PRKG1: variants seen among roughly 807,000 people sequenced by gnomAD.
PRKG1 encodes protein kinase cGMP-dependent 1.
A neutral mutation model predicts 88.1 loss-of-function variants in PRKG1; 35 were observed. The ratio of observed to expected loss-of-function variants is 0.40; its 90% confidence interval spans 0.30 to 0.53. The LOEUF (loss-of-function observed/expected upper bound fraction) is 0.53. Ranked by LOEUF, PRKG1 falls within the 20% of genes least tolerant of loss-of-function variation. The pLI, the probability that PRKG1 is intolerant of heterozygous loss-of-function variation, is 0.59. For missense variants in PRKG1, 540 were observed against 839.8 expected (o/e 0.64, Z 4.41); for synonymous variants, 303 against 292.5 (o/e 1.04, Z -0.37).
chr10:51,205,127 CTTTTT>C (rs58176913), intron 2 of PRKG1, among the ~76,000 whole-genome samples: 1,457 of 64,070 alleles, frequency 0.023, 173 homozygotes, highest in African/African-American at 0.066. Flanking sequence ...ATTTTCTTTT[CTTTTT>C]TTTTTTTTTT....
intron 2 of PRKG1, among the ~76,000 whole-genome samples, chr10:51,259,944 T>A (rs1296261587): frequency 6.6e-6 from 1 of 152,198 alleles, no homozygotes; most frequent in Non-Finnish European, 1.5e-5. Context: ...TTATGACCCA[T>A]TTAGTTTATG....
At chr10:51,642,617 T>C (rs557630268) in intron 3 of PRKG1, among the ~76,000 whole-genome samples, 29 of 152,288 alleles carry the variant, frequency 1.9e-4, no homozygotes, top group African/African-American at 6.3e-4. Context: ...CTCAGAATAA[T>C]TCTAAGACTT....
chr10:51,133,933 T>C (rs1845631367), intron 1 of PRKG1, among the ~76,000 whole-genome samples: 1 of 152,196 alleles, frequency 6.6e-6, no homozygotes. Flanking sequence ...TCCTAATTAA[T>C]TTATTCCTGG....
chr10:51,802,746 A>G (rs1448331512), intron 3 of PRKG1, among the ~76,000 whole-genome samples: 3 of 152,144 alleles, frequency 2.0e-5, no homozygotes, highest in African/African-American at 7.2e-5. Context: ...CTAAGCACCA[A>G]GGAGAGAAAC....
At chr10:51,329,930 C>CT (rs201514807) in intron 2 of PRKG1, among the ~76,000 whole-genome samples, 26,179 of 131,932 alleles carry the variant, frequency 0.2, 2,560 homozygotes, top group African/African-American at 0.26. Context: ...TTAGGGAAAT[C>CT]TTTTTTTTTT....
At chr10:51,035,537 G>A (rs1843342049) in intron 1 of PRKG1, among the ~76,000 whole-genome samples, 1 of 152,134 alleles carries the variant, frequency 6.6e-6, no homozygotes. Context: ...GGTATTTCCT[G>A]CATGCCTGCA....
At chr10:51,986,790 G>A (rs907283601) in intron 5 of PRKG1, among the ~76,000 whole-genome samples, 5 of 152,178 alleles carry the variant, frequency 3.3e-5, no homozygotes, top group African/African-American at 1.2e-4. Flanking sequence ...CTTGCCTGTT[G>A]GAGGGGAGGA....
In PRKG1 at chr10:51,680,080, G is replaced by A. The variant is rs187284237; in HGVS notation, c.593-124505G>A. Among the ~76,000 whole-genome samples the A allele has an allele frequency of 2.2e-4, 34 of 152,204 alleles. No homozygotes were observed. The East Asian group carries it at 3.7e-3, about 16-fold the overall frequency. ...CTTGGAGTGGCCACAGGCCACACAC[G>A]GGCCACCACTTCATCTGCATATGGT... On this transcript the variant is annotated intron_variant, in intron 3 of 17. Transcript: ENST00000373980.
chr10:52,079,448 A>C (rs1846713327), intron 7 of PRKG1, among the ~76,000 whole-genome samples: 1 of 152,110 alleles, frequency 6.6e-6, no homozygotes, highest in Non-Finnish European at 1.5e-5. Flanking sequence ...GGTCAGACAG[A>C]TATGTCCATA....
At chr10:52,159,486 G>A (rs1257204102) in intron 8 of PRKG1, among the ~76,000 whole-genome samples, 1 of 151,492 alleles carries the variant, frequency 6.6e-6, no homozygotes, top group Non-Finnish European at 1.5e-5. Context: ...TTATTTTTAA[G>A]CTCATTGGGA....
At chr10:51,260,185 A>G (rs1287197607) in intron 2 of PRKG1, among the ~76,000 whole-genome samples, 1 of 152,134 alleles carries the variant, frequency 6.6e-6, no homozygotes, top group Non-Finnish European at 1.5e-5. Flanking sequence ...CCATACTTCA[A>G]TTAAAGCACC....
intron 2 of PRKG1, among the ~76,000 whole-genome samples, chr10:51,370,456 AAGAAAGAGAGAGAG>A (rs1163539666): frequency 1.3e-5 from 2 of 151,106 alleles, no homozygotes; most frequent in Non-Finnish European, 3.0e-5. Context: ...ATATGGGGTT[AAGAAAGAGAGAGAG>A]AGAAAGAGAC....
chr10:51,896,763 A>T (rs980185851), intron 4 of PRKG1, among the ~76,000 whole-genome samples: 1 of 151,520 alleles, frequency 6.6e-6, no homozygotes, highest in African/African-American at 2.4e-5. Context: ...ATTTCTTTTG[A>T]TTCTAAAACT....
chr10:51,431,599 C>G (rs1023582141), intron 2 of PRKG1, among the ~76,000 whole-genome samples: 49 of 152,092 alleles, frequency 3.2e-4, no homozygotes, highest in African/African-American at 1.2e-3. Flanking sequence ...CCTGCTGAGG[C>G]CTTTGCTGTT....
intron 2 of PRKG1, chr10:51,299,628 G>A: frequency 2.1e-6 from 1 of 466,202 alleles, no homozygotes; most frequent in Non-Finnish European, 4.4e-6. Flanking sequence ...AACAGAGAAG[G>A]CACTATGAGA....
chr10:51,653,464 T>C (rs1840088856), intron 3 of PRKG1, among the ~76,000 whole-genome samples: 1 of 152,232 alleles, frequency 6.6e-6, no homozygotes, highest in African/African-American at 2.4e-5. Context: ...TGATTAATGA[T>C]ATTTAGCAAT....
rs111630306 is a variant in PRKG1, at chr10:51,714,626, T to A, written c.593-89959T>A. Among the ~76,000 whole-genome samples the A allele has an allele frequency of 4.0e-3, 609 of 152,304 alleles. 4 individuals carry two copies. The highest frequency in any genetic ancestry group is 0.024 in the Middle Eastern group (7 of 294). On this transcript the variant is annotated intron_variant, in intron 3 of 17. Coordinates refer to ENST00000373980, the MANE Select transcript of PRKG1 (RefSeq NM_006258.4). Reference sequence around the variant, plus strand: ...GTCAAAATTTTTGTGTACTACAGTATGTACCAGCCATTCCAGAGAATGTCA... The same window carrying A: ...GTCAAAATTTTTGTGTACTACAGTAAGTACCAGCCATTCCAGAGAATGTCA...
intron 4 of PRKG1, among the ~76,000 whole-genome samples, chr10:51,894,950 G>A (rs1208067047): frequency 6.6e-6 from 1 of 152,162 alleles, no homozygotes; most frequent in African/African-American, 2.4e-5. Context: ...TTGCCTATCT[G>A]TTACACATGC....
intron 1 of PRKG1, among the ~76,000 whole-genome samples, chr10:51,066,794 T>G (rs895275193): frequency 2.0e-5 from 3 of 152,154 alleles, no homozygotes; most frequent in African/African-American, 7.2e-5. Flanking sequence ...CTTACATTTT[T>G]CTCAATCTCT....
Sources: allele counts gnomAD v4.1 joint callset (sites outside exome capture counted in the v4.1 genomes callset), GRCh38; gene constraint gnomAD v4.1.1; transcripts MANE v1.5; gene names NCBI Gene and HGNC (gene_info 2026-07-23, HGNC 2026-07-21).